CASZ1: variants seen among roughly 807,000 people sequenced by gnomAD.
The protein encoded by CASZ1 is castor zinc finger 1, also known as zinc finger protein castor homolog 1.
In CASZ1, 28 loss-of-function variants were observed where a neutral mutation model predicts 135.2. The ratio of observed to expected loss-of-function variants is 0.21; its 90% CI spans 0.15 to 0.28. The LOEUF (loss-of-function observed/expected upper bound fraction) is 0.28. Ranked by LOEUF, CASZ1 falls within the 10% of genes least tolerant of loss-of-function variation. The pLI, the probability that CASZ1 is intolerant of heterozygous loss-of-function variation, is 1.00. For synonymous variants in CASZ1, 1,068 were observed against 1,073.4 expected (o/e 0.99, Z 0.10); for missense variants, 2,161 against 2,453.3 (o/e 0.88, Z 2.52).
chr1:10,659,905 C>A lies in CASZ1; in HGVS notation c.1137G>T (p.Arg379=). Residue 379 remains arginine (R), a synonymous_variant, in exon 6 of 21, where the codon CGG becomes CGT. Transcript: ENST00000377022. ...KVGRPSKYDV[R]GIQKPGPAKV... is the part of the protein sequence containing the mutation. Reference sequence around the variant, plus strand: ...TGGCGGGGCCTGGCTTCTGGATGCCCCGGACGTCGTACTTGGAAGGGCGCC... The same window carrying A: ...TGGCGGGGCCTGGCTTCTGGATGCCACGGACGTCGTACTTGGAAGGGCGCC... The A allele has an allele frequency of 6.2e-7, 1 of 1,611,710 alleles. No homozygotes were observed. The highest frequency in any genetic ancestry group is 8.5e-7 in the Non-Finnish European group (1 of 1,179,404).
intron 4 of CASZ1, among the ~76,000 whole-genome samples, chr1:10,675,015 A>AC (rs35948372): frequency 0.077 from 11,582 of 150,718 alleles, 848 homozygotes; most frequent in African/African-American, 0.19. Context: ...GTGCTCAGAT[A>AC]CCCCCCGCAA....
chr1:10,669,702 G>A (rs1274760511), intron 4 of CASZ1, among the ~76,000 whole-genome samples: 2 of 152,142 alleles, frequency 1.3e-5, no homozygotes, highest in African/African-American at 4.8e-5. Flanking sequence ...AAGGGGAGGA[G>A]AGGCTGCAGT....
Position 10,662,507 on chromosome 1 carries a change from C to T in CASZ1, c.506-1971G>A, listed in dbSNP as rs117306735. 2.2e-3 allele frequency among the ~76,000 whole-genome samples: 342 copies of T among 152,120 alleles called. 5 individuals carry two copies. The East Asian group carries it at 0.024, about 11-fold the overall frequency. On this transcript the variant is annotated intron_variant, in intron 5 of 20. Transcript: ENST00000377022. ...GCCATCACATACATAAACCCACACA[C>T]GGTCACATGCACACAGTCACACACA...
At chr1:10,678,512 C>A (rs368670950) in intron 4 of CASZ1, among the ~76,000 whole-genome samples, 1 of 152,234 alleles carries the variant, frequency 6.6e-6, no homozygotes, top group East Asian at 1.9e-4. Flanking sequence ...GGCCCGAGGC[C>A]GGGGCTGAAG....
intron 4 of CASZ1, among the ~76,000 whole-genome samples, chr1:10,681,744 C>A (rs1570468039): frequency 6.6e-6 from 1 of 152,352 alleles, no homozygotes; most frequent in South Asian, 2.1e-4. Flanking sequence ...TGGCGCTGGG[C>A]CCCAGGGACG....
chr1:10,669,676 C>T (rs1022247325), intron 4 of CASZ1, among the ~76,000 whole-genome samples: 1 of 152,158 alleles, frequency 6.6e-6, no homozygotes, highest in Non-Finnish European at 1.5e-5. Context: ...CCCCCTCCCG[C>T]AGGCATCCTG....
chr1:10,783,888 A>C (rs1041167155), intron 1 of CASZ1, among the ~76,000 whole-genome samples: 3 of 151,694 alleles, frequency 2.0e-5, no homozygotes, highest in Non-Finnish European at 4.4e-5. Flanking sequence ...AAAAAAAAAA[A>C]AAAAACCTAC....
chr1:10,650,860 C>G (rs1642551196), intron 12 of CASZ1, 81 bp downstream of exon 12: 2 of 1,605,052 alleles, frequency 1.2e-6, no homozygotes, highest in Admixed American at 1.7e-5. Flanking sequence ...CCCGCTGCAA[C>G]TGCCTGGGCG....
chr1:10,654,556 G>A lies in CASZ1; in HGVS notation c.1701C>T (p.Asp567=), dbSNP rs367610947. Residue 567 remains aspartate (D), a synonymous_variant, in exon 10 of 21, where the codon GAC becomes GAT. Coordinates refer to ENST00000377022, the MANE Select transcript of CASZ1 (RefSeq NM_001079843.3). ...GCNKVYTSTS[D]VMTHENFHKK... is the part of the protein sequence containing the mutation. Reference sequence around the variant, plus strand: ...TGTGGAAGTTCTCGTGGGTCATCACGTCAGACGTGCTCGTGTACACCTTGT... The same window carrying A: ...TGTGGAAGTTCTCGTGGGTCATCACATCAGACGTGCTCGTGTACACCTTGT... 1.1e-5 allele frequency: 18 copies of A among 1,614,150 alleles called. No homozygotes were observed. In the South Asian group the frequency reaches 1.2e-4, roughly 11 times the overall value.
In CASZ1 at chr1:10,692,145, C is replaced by A. The variant is rs74052164; in HGVS notation, c.16+1729G>T. Among the ~76,000 whole-genome samples, 405 of 152,342 alleles carry A rather than the reference C, an allele frequency of 2.7e-3. 3 individuals carry two copies. Among genetic ancestry groups the A allele is most frequent in the African/African-American group, 9.4e-3 (392 of 41,584 alleles). ...GGAGGCCCTCGCTCCAGTCAGGACA[C>A]CCTAGAGAAGGGCTTTGGAGTACTG... On this transcript the variant is annotated intron_variant, in intron 4 of 20. Transcript: ENST00000377022.
chr1:10,717,571 C>T lies in CASZ1; in HGVS notation c.-76-12027G>A, dbSNP rs769724204. Among the ~76,000 whole-genome samples the T allele has an allele frequency of 2.0e-5, 3 of 152,156 alleles. No homozygotes were observed. The highest frequency in any genetic ancestry group is 4.4e-5 in the Non-Finnish European group (3 of 68,026). ...CCTCCCTCCTCACCAGCCCCTGCCC[C>T]CTCCAACCAGTTCAGATTTCCAGCT... is the stretch of plus-strand genomic sequence containing the variant. On this transcript the variant is annotated intron_variant, in intron 2 of 20. Coordinates refer to ENST00000377022, the MANE Select transcript of CASZ1 (RefSeq NM_001079843.3). The surrounding 1 kb of genome is among the most constrained non-coding windows in gnomAD (Gnocchi z 4.6).
At chr1:10,655,096 A>T (rs1231766715) in intron 9 of CASZ1, among the ~76,000 whole-genome samples, 1 of 151,262 alleles carries the variant, frequency 6.6e-6, no homozygotes, top group African/African-American at 2.4e-5. Flanking sequence ...GAATCCGAAC[A>T]CTCTCGTAGG....
chr1:10,652,993 G>A (rs992327638), intron 11 of CASZ1: 6 of 286,778 alleles, frequency 2.1e-5, no homozygotes, highest in Non-Finnish European at 4.1e-5. Context: ...CAGGTCAGCT[G>A]GAGGAAACGC....
chr1:10,740,282 A>G (rs1482293709), intron 2 of CASZ1, among the ~76,000 whole-genome samples: 1 of 152,232 alleles, frequency 6.6e-6, no homozygotes, highest in Non-Finnish European at 1.5e-5. Flanking sequence ...CAAGGGCAGC[A>G]CTTCAGGCCC....
At chr1:10,782,307 G>C (rs985185832) in intron 1 of CASZ1, among the ~76,000 whole-genome samples, 3 of 152,230 alleles carry the variant, frequency 2.0e-5, no homozygotes, top group African/African-American at 7.2e-5. Context: ...CTACGGTACT[G>C]GTGTGGACAC....
chr1:10,742,181 G>T (rs1639936973), intron 2 of CASZ1, among the ~76,000 whole-genome samples: 1 of 152,124 alleles, frequency 6.6e-6, no homozygotes, highest in African/African-American at 2.4e-5. Context: ...TGCCACCCCG[G>T]TGTCCGCTTT....
At chr1:10,781,465 G>A (rs1309174014) in intron 1 of CASZ1, among the ~76,000 whole-genome samples, 1 of 152,182 alleles carries the variant, frequency 6.6e-6, no homozygotes, top group Admixed American at 6.5e-5. Context: ...GTCCAGGCCA[G>A]CCCAGGGACT....
At chr1:10,729,367 C>G (rs1023010779) in intron 2 of CASZ1, among the ~76,000 whole-genome samples, 34 of 152,324 alleles carry the variant, frequency 2.2e-4, no homozygotes, top group African/African-American at 8.2e-4. Context: ...CAGCCGGGCC[C>G]AGGTGGCTCC....
chr1:10,779,228 G>A (rs1026956644), intron 1 of CASZ1, among the ~76,000 whole-genome samples: 7 of 124,938 alleles, frequency 5.6e-5, no homozygotes, highest in African/African-American at 1.2e-4. Context: ...TAAAGCACCC[G>A]AAGCTGGCAC....
Sources: gnomAD v4.1 joint callset for allele counts (sites outside exome capture counted in the v4.1 genomes callset) on GRCh38, gnomAD v4.1.1 for gene constraint, Gnocchi (gnomAD v3.1) non-coding constraint, MANE v1.5 for transcripts, NCBI Gene and HGNC (gene_info 2026-07-23, HGNC 2026-07-21) for gene names.